ERBB4: variants seen among roughly 807,000 people sequenced by gnomAD.
ERBB4 encodes erb-b2 receptor tyrosine kinase 4.
In ERBB4, 42 loss-of-function variants were observed where a neutral mutation model predicts 158.0. That is an observed-to-expected ratio of 0.27 (90% CI 0.21 to 0.34). ERBB4 has a LOEUF of 0.34. ERBB4 is among the 10% of genes least tolerant of loss of function. ERBB4 has a pLI of 1.00. For missense variants in ERBB4, 1,333 were observed against 1,624.1 expected, an observed-to-expected ratio of 0.82 and a Z score of 3.08; for synonymous variants, 583 against 558.7, an observed-to-expected ratio of 1.04 and a Z score of -0.61.
rs1366434803 is a variant in ERBB4 at position 212,157,591 on chromosome 2, A to G, written c.83-32688T>C. 3.9e-5 allele frequency among the ~76,000 whole-genome samples: 6 copies of G among 152,194 alleles called. No homozygotes were observed. The East Asian group carries it at 1.2e-3, about 29-fold the overall frequency. Reference sequence around the variant, plus strand: ...CTGGGTTTTTTTGAAACCAGTAAGAAAATTAATTCTGTATCTGATGTCTAT... The same window carrying G: ...CTGGGTTTTTTTGAAACCAGTAAGAGAATTAATTCTGTATCTGATGTCTAT... On this transcript the variant is annotated intron_variant, in intron 1 of 27. Coordinates refer to ENST00000342788, the MANE Select transcript of ERBB4 (RefSeq NM_005235.3).
intron 1 of ERBB4, among the ~76,000 whole-genome samples, chr2:212,181,670 A>C (rs2081870428): frequency 6.6e-6 from 1 of 151,762 alleles, no homozygotes; most frequent in African/African-American, 2.4e-5. Flanking sequence ...AATAAGTCAC[A>C]ATTAATAAAA....
At chr2:211,724,760 C>T (rs1305924116) in intron 6 of ERBB4, among the ~76,000 whole-genome samples, 1 of 152,012 alleles carries the variant, frequency 6.6e-6, no homozygotes, top group Non-Finnish European at 1.5e-5. Flanking sequence ...AGTGATGCAA[C>T]CACATAAACA....
intron 2 of ERBB4, among the ~76,000 whole-genome samples, chr2:211,992,292 A>C (rs181344124): frequency 2.6e-4 from 39 of 152,242 alleles, no homozygotes; most frequent in African/African-American, 7.0e-4. Flanking sequence ...CACTTCTTAC[A>C]TGGCAGCAGC....
intron 20 of ERBB4, among the ~76,000 whole-genome samples, chr2:211,515,909 TA>T (rs1356034790): frequency 1.1e-5 from 1 of 92,444 alleles, no homozygotes; most frequent in Non-Finnish European, 2.1e-5. Context: ...TATATATATA[TA>T]TATTTTTTTT....
intron 3 of ERBB4, among the ~76,000 whole-genome samples, chr2:211,788,687 G>A (rs2076221139): frequency 6.6e-6 from 1 of 152,080 alleles, no homozygotes; most frequent in South Asian, 2.1e-4. Context: ...GTCATAGAGT[G>A]TGGATAGTTT....
intron 1 of ERBB4, among the ~76,000 whole-genome samples, chr2:212,277,748 T>C (rs2085597959): frequency 6.6e-6 from 1 of 151,768 alleles, no homozygotes; most frequent in East Asian, 1.9e-4. Context: ...TTCTTGTTCA[T>C]CTTTATATGC....
intron 1 of ERBB4, among the ~76,000 whole-genome samples, chr2:212,278,560 T>A (rs13002202): frequency 0.071 from 10,707 of 151,684 alleles, 435 homozygotes; most frequent in South Asian, 0.16. Flanking sequence ...TTCTAACATT[T>A]AAATTCTACT....
intron 3 of ERBB4, among the ~76,000 whole-genome samples, chr2:211,847,270 CAG>C (rs34513867): frequency 0.22 from 32,945 of 151,844 alleles, 3,686 homozygotes; most frequent in South Asian, 0.33. Flanking sequence ...TAGATGAAAA[CAG>C]AAACAATTGA....
chr2:212,446,593 A>ATG (rs2092356612), intron 1 of ERBB4, among the ~76,000 whole-genome samples: 2 of 13,192 alleles, frequency 1.5e-4, no homozygotes, highest in Non-Finnish European at 1.3e-4. Context: ...ATATATATGT[A>ATG]TATATATATA....
At chr2:211,795,703 A>G (rs2076369592) in intron 3 of ERBB4, among the ~76,000 whole-genome samples, 1 of 151,856 alleles carries the variant, frequency 6.6e-6, no homozygotes, top group Non-Finnish European at 1.5e-5. Context: ...AAAAGAACAG[A>G]GGAAGAGTAC....
In ERBB4 at chr2:211,556,324, C is replaced by T. The variant is rs1376138881; in HGVS notation, c.2487+5579G>A. On this transcript the variant is annotated intron_variant, in intron 20 of 27. Coordinates refer to ENST00000342788, the MANE Select transcript of ERBB4 (RefSeq NM_005235.3). ...AGACATTCAAAGATATTTAGACTCC[C>T]ACACAATAATAGCGGGAAACTTCAA... 3.3e-5 allele frequency among the ~76,000 whole-genome samples: 5 copies of T among 152,212 alleles called. No homozygotes were observed. In the South Asian group the frequency reaches 1.0e-3, roughly 32 times the overall value.
chr2:212,192,498 C>T (rs1027908446), intron 1 of ERBB4, among the ~76,000 whole-genome samples: 4 of 151,928 alleles, frequency 2.6e-5, no homozygotes, highest in African/African-American at 9.6e-5. Flanking sequence ...ACATTTTGTT[C>T]ATTTAGTCAT....
chr2:212,105,384 A>C (rs939959472), intron 2 of ERBB4, among the ~76,000 whole-genome samples: 8 of 152,232 alleles, frequency 5.3e-5, no homozygotes, highest in Non-Finnish European at 1.0e-4. Flanking sequence ...TGATTATATA[A>C]GAAGAAAGTC....
At chr2:212,314,776 A>G (rs527251572) in intron 1 of ERBB4, among the ~76,000 whole-genome samples, 13 of 151,370 alleles carry the variant, frequency 8.6e-5, no homozygotes, top group Non-Finnish European at 1.6e-4. Flanking sequence ...TTTAATCCAG[A>G]AAGAGCCTTT....
intron 3 of ERBB4, among the ~76,000 whole-genome samples, chr2:211,889,107 A>G (rs1249367080): frequency 3.5e-5 from 5 of 142,442 alleles, no homozygotes; most frequent in Non-Finnish European, 4.5e-5. Flanking sequence ...GGCACAGACA[A>G]ACAAAAAGAC....
chr2:211,580,866 C>CATATATATATATAT (rs56892079), intron 19 of ERBB4, among the ~76,000 whole-genome samples: 7 of 64,162 alleles, frequency 1.1e-4, no homozygotes, highest in Non-Finnish European at 1.8e-4. Context: ...TATGCATATA[C>CATATATATATATAT]ATATATATAT....
At chr2:211,469,933 A>G (rs534703921) in intron 20 of ERBB4, among the ~76,000 whole-genome samples, 1 of 152,222 alleles carries the variant, frequency 6.6e-6, no homozygotes, top group Non-Finnish European at 1.5e-5. Flanking sequence ...TCAAGTGTTA[A>G]ATCATATAAT....
intron 1 of ERBB4, among the ~76,000 whole-genome samples, chr2:212,535,769 CCTCT>C (rs1025608991): frequency 6.6e-6 from 1 of 151,996 alleles, no homozygotes; most frequent in African/African-American, 2.4e-5. Flanking sequence ...TAAAAAACAT[CCTCT>C]CTAATGCTGA....
intron 1 of ERBB4, among the ~76,000 whole-genome samples, chr2:212,286,747 G>A (rs11686852): frequency 0.38 from 51,312 of 135,200 alleles, 11,267 homozygotes; most frequent in East Asian, 0.72. Context: ...GACTATAGGC[G>A]GGTGGCACCA....
Sources: allele counts gnomAD v4.1 joint callset (sites outside exome capture counted in the v4.1 genomes callset), GRCh38; gene constraint gnomAD v4.1.1; transcripts MANE v1.5; gene names NCBI Gene and HGNC (gene_info 2026-07-23, HGNC 2026-07-21).